Variants in SSBP3 observed in about 807,000 individuals in gnomAD.
SSBP3 encodes the protein single-stranded DNA-binding protein 3.
Under a neutral mutation model 69.6 loss-of-function variants are expected in SSBP3, and 5 were observed. The ratio of observed to expected loss-of-function variants is 0.07; its 90% CI spans 0.04 to 0.15. The LOEUF is 0.15. Ranked by LOEUF, SSBP3 falls within the 10% of genes least tolerant of loss-of-function variation. The pLI is 1.00. For synonymous variants in SSBP3, 196 were observed against 193.4 expected (o/e 1.01, Z -0.11); for missense variants, 312 against 534.0 (o/e 0.58, Z 4.10).
rs141286155 is a variant in SSBP3, at chr1:54,358,464, G to A, written c.276+43397C>T. Among the ~76,000 whole-genome samples the A allele has an allele frequency of 7.9e-5, 12 of 152,282 alleles. No homozygotes were observed. In the East Asian group the frequency reaches 2.1e-3, roughly 27 times the overall value. On this transcript the variant is annotated intron_variant, in intron 4 of 17. Coordinates refer to ENST00000610401, the Ensembl canonical transcript of SSBP3. Reference sequence around the variant, plus strand: ...GACTGGATGACCAACTGGAAGCTTCGTGAGCAACTCCACAACTGCTAAACT... The same window carrying A: ...GACTGGATGACCAACTGGAAGCTTCATGAGCAACTCCACAACTGCTAAACT...
chr1:54,299,806 A>G (rs555169890), intron 4 of SSBP3, among the ~76,000 whole-genome samples: 2 of 152,146 alleles, frequency 1.3e-5, no homozygotes, highest in East Asian at 3.9e-4. Flanking sequence ...TCAAACCCAG[A>G]TCGCTCACAC....
Position 54,233,349 on chromosome 1 carries a change from G to T in SSBP3, c.928-4523C>A, listed in dbSNP as rs552249778. Among the ~76,000 whole-genome samples the T allele has an allele frequency of 2.5e-3, 364 of 143,280 alleles. 2 individuals are homozygous for T. The highest frequency in any genetic ancestry group is 4.2e-3 in the Non-Finnish European group (273 of 65,692). The allele number at this position is 143,280 out of a possible 152,430, so 94.0% of individuals were successfully genotyped here. ...AGGTGAGGAGCGTCTCTGCCCGGCC[G>T]CCCCGTCTGAGAAGTGAGGAGCCCC... On this transcript the variant is annotated intron_variant, in intron 14 of 17. Coordinates refer to ENST00000610401, the Ensembl canonical transcript of SSBP3.
chr1:54,365,780 C>T (rs954905332), intron 4 of SSBP3, among the ~76,000 whole-genome samples: 7 of 152,218 alleles, frequency 4.6e-5, no homozygotes, highest in Non-Finnish European at 8.8e-5. Flanking sequence ...GGTTCCTGTG[C>T]TTCTCTGGCC....
intron 4 of SSBP3, among the ~76,000 whole-genome samples, chr1:54,325,199 G>A (rs890751005): frequency 4.6e-5 from 7 of 152,194 alleles, no homozygotes; most frequent in Non-Finnish European, 4.4e-5. Flanking sequence ...AGTCACTCCA[G>A]CACTGAGCGC....
chr1:54,263,011 T>C (rs1200832840), intron 5 of SSBP3, among the ~76,000 whole-genome samples: 1 of 152,178 alleles, frequency 6.6e-6, no homozygotes, highest in Non-Finnish European at 1.5e-5. Context: ...TTTCTTGTTA[T>C]TCTTTCTCCT....
At chr1:54,281,628 CG>C in intron 4 of SSBP3, 101 bp from the exon 5 acceptor site, 1 of 1,092,380 alleles carries the variant, frequency 9.2e-7, no homozygotes, top group Non-Finnish European at 1.4e-6. Flanking sequence ...CCACATTCCC[CG>C]TGGACCTTCC....
At chr1:54,337,561 C>G (rs1646532542) in intron 4 of SSBP3, among the ~76,000 whole-genome samples, 1 of 135,148 alleles carries the variant, frequency 7.4e-6, no homozygotes, top group Non-Finnish European at 1.5e-5. Context: ...GCAGTGGCAC[C>G]ATCTCCGCTC....
At chr1:54,242,315 A>T in intron 10 of SSBP3, 103 bp from the exon 11 acceptor site, 1 of 1,380,538 alleles carries the variant, frequency 7.2e-7, no homozygotes, top group Non-Finnish European at 1.0e-6. Context: ...CACAACAGGA[A>T]GTCCTTCCTA....
intron 7 of SSBP3, among the ~76,000 whole-genome samples, chr1:54,254,744 T>C (rs777410455): frequency 6.6e-6 from 1 of 152,212 alleles, no homozygotes; most frequent in Admixed American, 6.5e-5. Context: ...GGTCAATACC[T>C]GTGGAAGGGG....
At position 54,243,226 on chromosome 1, in the gene SSBP3, T is replaced by C. The variant is rs1644673125; in HGVS notation, c.716+9A>G. ...CTCTGAGCCACGGGCCGGGTCGTTT[T>C]TGCCTTACATGTTAATCCCGGGCAT... is the stretch of plus-strand genomic sequence containing the variant. On this transcript the variant is annotated intron_variant, in intron 10 of 17. Transcript: ENST00000610401. 3 of 1,613,682 alleles carry C rather than the reference T, an allele frequency of 1.9e-6. No homozygotes were observed. The highest frequency in any genetic ancestry group is 2.5e-6 in the Non-Finnish European group (3 of 1,179,798).
At chr1:54,348,338 C>G (rs975061928) in intron 4 of SSBP3, among the ~76,000 whole-genome samples, 2 of 150,602 alleles carry the variant, frequency 1.3e-5, no homozygotes, top group African/African-American at 4.9e-5. Context: ...AAGGAGCCTG[C>G]GGGTCAAGAG....
chr1:54,243,085 G>T, intron 10 of SSBP3, 150 bp downstream of exon 10: 2 of 766,408 alleles, frequency 2.6e-6, no homozygotes, highest in Non-Finnish European at 4.5e-6. Context: ...CTCATCACCA[G>T]GATCATCAAT....
At chr1:54,394,275 A>G (rs1462071364) in intron 4 of SSBP3, among the ~76,000 whole-genome samples, 1 of 152,192 alleles carries the variant, frequency 6.6e-6, no homozygotes, top group African/African-American at 2.4e-5. Flanking sequence ...ACTTGAAAGA[A>G]CACTAGGTGA....
At chr1:54,279,269 G>A (rs569057400) in intron 5 of SSBP3, among the ~76,000 whole-genome samples, 7 of 152,308 alleles carry the variant, frequency 4.6e-5, no homozygotes, top group Admixed American at 3.9e-4. Context: ...GTTTGATGGT[G>A]GCTAGTAATG....
intron 4 of SSBP3, among the ~76,000 whole-genome samples, chr1:54,294,123 A>G (rs148751546): frequency 0.01 from 1,284 of 125,458 alleles, 19 homozygotes; most frequent in African/African-American, 0.037. Flanking sequence ...AGCTGGGGTG[A>G]CAGAGTGAGA....
intron 14 of SSBP3, among the ~76,000 whole-genome samples, chr1:54,232,034 C>T (rs770890124): frequency 8.5e-5 from 13 of 152,150 alleles, no homozygotes; most frequent in Non-Finnish European, 1.6e-4. Context: ...GCTGTAAGGA[C>T]ACAGTTCAAT....
chr1:54,317,734 G>A (rs182802303), intron 4 of SSBP3, among the ~76,000 whole-genome samples: 12 of 152,254 alleles, frequency 7.9e-5, no homozygotes, highest in Non-Finnish European at 1.6e-4. Context: ...AGGGAAGACA[G>A]TGAGGTCATG....
At chr1:54,226,818 C>A in exon 18 of SSBP3, 2 of 299,508 alleles carry the variant, frequency 6.7e-6, no homozygotes, top group Non-Finnish European at 1.3e-5. Flanking sequence ...CAAAAAACAA[C>A]AAAAAAGTGT....
At chr1:54,273,350 G>A (rs1172074495) in intron 5 of SSBP3, among the ~76,000 whole-genome samples, 1 of 152,176 alleles carries the variant, frequency 6.6e-6, no homozygotes, top group Non-Finnish European at 1.5e-5. Context: ...ACACAGGCAC[G>A]CACACAAGTC....
Sources: allele counts gnomAD v4.1 joint callset (sites outside exome capture counted in the v4.1 genomes callset), GRCh38; gene constraint gnomAD v4.1.1; transcripts MANE v1.5; gene names NCBI Gene and HGNC (gene_info 2026-07-23, HGNC 2026-07-21).